The following SLC6A11 variants were observed in gnomAD, a reference collection of about 807,000 sequenced individuals.
SLC6A11 encodes solute carrier family 6 member 11, also known as sodium- and chloride-dependent GABA transporter 3.
In SLC6A11, 25 loss-of-function variants were observed where a neutral mutation model predicts 74.8. That is an observed-to-expected ratio of 0.33 (90% confidence interval 0.24 to 0.47). The LOEUF is 0.47. Among genes scored for constraint, SLC6A11 ranks in the 20% least tolerant of loss-of-function variants. The pLI is 1.00. For synonymous variants in SLC6A11, 330 were observed against 330.2 expected, an observed-to-expected ratio of 1.00 and a Z score of 0.01; for missense variants, 574 against 837.0, an observed-to-expected ratio of 0.69 and a Z score of 3.88.
At chr3:10,892,202 A>C (rs2655278) in intron 6 of SLC6A11, among the ~76,000 whole-genome samples, 28,616 of 152,224 alleles carry the variant, frequency 0.19, 3,385 homozygotes, top group Middle Eastern at 0.29. Flanking sequence ...TGGTGTGTGA[A>C]TCTCATGTTC....
At chr3:10,854,223 A>G (rs960332477) in intron 5 of SLC6A11, among the ~76,000 whole-genome samples, 3 of 152,122 alleles carry the variant, frequency 2.0e-5, no homozygotes, top group Non-Finnish European at 4.4e-5. Context: ...CCCCGTCTCT[A>G]CTAAAAATAC....
chr3:10,935,956 T>G (rs187637544), intron 13 of SLC6A11, among the ~76,000 whole-genome samples: 1 of 152,278 alleles, frequency 6.6e-6, no homozygotes, highest in Admixed American at 6.5e-5. Flanking sequence ...CTCTGTGGAT[T>G]TGCCTACCCT....
intron 6 of SLC6A11, among the ~76,000 whole-genome samples, chr3:10,896,118 T>C (rs1695168348): frequency 6.6e-6 from 1 of 152,236 alleles, no homozygotes; most frequent in Non-Finnish European, 1.5e-5. Context: ...CAGGGCCAGC[T>C]GTTGCAGCAT....
intron 5 of SLC6A11, among the ~76,000 whole-genome samples, chr3:10,849,198 C>T (rs1438334822): frequency 1.3e-5 from 2 of 152,192 alleles, no homozygotes; most frequent in East Asian, 1.9e-4. Flanking sequence ...ATATTAAGTC[C>T]TGAGAAAACA....
At chr3:10,863,833 A>G (rs1003607292) in intron 5 of SLC6A11, among the ~76,000 whole-genome samples, 20 of 152,116 alleles carry the variant, frequency 1.3e-4, no homozygotes, top group African/African-American at 4.8e-4. Context: ...AGATGAATGT[A>G]GTTGGCTCAT....
intron 5 of SLC6A11, among the ~76,000 whole-genome samples, chr3:10,847,411 G>A (rs193182482): frequency 2.1e-3 from 316 of 152,328 alleles, no homozygotes; most frequent in Non-Finnish European, 3.4e-3. Context: ...AACCAGATGA[G>A]CCAATTAAGT....
At chr3:10,907,617 A>T (rs1484870747) in intron 6 of SLC6A11, among the ~76,000 whole-genome samples, 27 of 152,258 alleles carry the variant, frequency 1.8e-4, no homozygotes, top group African/African-American at 2.4e-5. Context: ...CCTGTTGGAC[A>T]TCCAAACCAA....
chr3:10,851,363 G>T (rs893864314), intron 5 of SLC6A11, among the ~76,000 whole-genome samples: 3 of 149,270 alleles, frequency 2.0e-5, no homozygotes, highest in African/African-American at 7.4e-5. Flanking sequence ...TTGGGGCTCT[G>T]TTTTTATTCT....
intron 3 of SLC6A11, 96 bp downstream of exon 3, chr3:10,819,948 T>C: frequency 3.9e-6 from 5 of 1,283,732 alleles, no homozygotes; most frequent in South Asian, 1.4e-5. Context: ...CCCTGGCCTC[T>C]CGTCATGAGT....
chr3:10,895,274 G>A (rs1387909914), intron 6 of SLC6A11, among the ~76,000 whole-genome samples: 1 of 152,152 alleles, frequency 6.6e-6, no homozygotes, highest in East Asian at 1.9e-4. Flanking sequence ...AGTTGGTAAT[G>A]CTACTTTTTG....
In SLC6A11 at chr3:10,910,267, A is replaced by G. The variant is rs754034356; in HGVS notation, c.892-1823A>G. Among the ~76,000 whole-genome samples the G allele has an allele frequency of 1.5e-4, 23 of 152,358 alleles. 1 individual carries two copies. Among genetic ancestry groups the G allele is most frequent in the Middle Eastern group, 3.4e-3 (1 of 294 alleles). On this transcript the variant is annotated intron_variant, in intron 6 of 13. Coordinates refer to ENST00000254488, the MANE Select transcript of SLC6A11 (RefSeq NM_014229.3). ...TGACTTAACACAGTTGGGCAGACCC[A>G]CGATAGAATGACTTGTACCATGTAA...
intron 6 of SLC6A11, among the ~76,000 whole-genome samples, chr3:10,877,494 C>T (rs190387011): frequency 2.6e-5 from 4 of 152,314 alleles, no homozygotes; most frequent in African/African-American, 9.6e-5. Context: ...GAGAAGCCTT[C>T]CTGCGATGCA....
chr3:10,849,811 A>C (rs1193544562), intron 5 of SLC6A11, among the ~76,000 whole-genome samples: 3 of 115,864 alleles, frequency 2.6e-5, no homozygotes, highest in African/African-American at 1.2e-4. Flanking sequence ...AAAAAAAAAA[A>C]AAAAAAAAAA....
intron 6 of SLC6A11, among the ~76,000 whole-genome samples, chr3:10,888,762 C>G (rs1049751749): frequency 2.6e-5 from 4 of 152,330 alleles, no homozygotes; most frequent in Non-Finnish European, 5.9e-5. Context: ...AAAAGAGGAA[C>G]AACCAAGTGC....
At chr3:10,838,317 A>G (rs1178807191) in intron 4 of SLC6A11, among the ~76,000 whole-genome samples, 4 of 152,158 alleles carry the variant, frequency 2.6e-5, no homozygotes, top group Non-Finnish European at 5.9e-5. Flanking sequence ...CAGAGGGAAC[A>G]TGTGTGGGAT....
chr3:10,899,871 C>A (rs865790656), intron 6 of SLC6A11, among the ~76,000 whole-genome samples: 67 of 152,208 alleles, frequency 4.4e-4, no homozygotes, highest in African/African-American at 1.5e-3. Context: ...GTTGAAATGC[C>A]CCATGGAAAA....
chr3:10,840,175 C>T (rs548847934), intron 4 of SLC6A11, among the ~76,000 whole-genome samples: 27 of 152,312 alleles, frequency 1.8e-4, no homozygotes, highest in African/African-American at 6.0e-4. Context: ...AGCCCCTGCT[C>T]CCCATGTGGC....
intron 4 of SLC6A11, among the ~76,000 whole-genome samples, chr3:10,843,098 G>T (rs1232329486): frequency 6.6e-6 from 1 of 152,082 alleles, no homozygotes; most frequent in Non-Finnish European, 1.5e-5. Flanking sequence ...TGGAGAGGGG[G>T]TTTGTGTTGG....
intron 7 of SLC6A11, among the ~76,000 whole-genome samples, chr3:10,912,650 T>C (rs1327351837): frequency 6.6e-6 from 1 of 152,224 alleles, no homozygotes; most frequent in Non-Finnish European, 1.5e-5. Flanking sequence ...AACATGTCTC[T>C]CTGGCCTCCT....
Sources: allele counts gnomAD v4.1 joint callset (sites outside exome capture counted in the v4.1 genomes callset), GRCh38; gene constraint gnomAD v4.1.1; transcripts MANE v1.5; gene names NCBI Gene and HGNC (gene_info 2026-07-23, HGNC 2026-07-21).